The following COL23A1 variants were observed in gnomAD, a reference collection of about 807,000 sequenced individuals.
COL23A1 encodes collagen type XXIII alpha 1 chain.
In COL23A1, 97 loss-of-function variants were observed where a neutral mutation model predicts 99.3. The observed-to-expected ratio is 0.98, with a 90% CI of 0.83 to 1.16. The LOEUF is 1.16. Ranked by LOEUF, COL23A1 falls within the 50% of genes most tolerant of loss-of-function variation. The probability of loss-of-function intolerance (pLI) is 0.00; values close to 1 mark genes in which losing one functional copy is unlikely to be tolerated. For missense variants in COL23A1, 762 were observed against 757.4 expected, an observed-to-expected ratio of 1.01 and a Z score of -0.07; for synonymous variants, 320 against 308.2, an observed-to-expected ratio of 1.04 and a Z score of -0.40.
chr5:178,455,185 G>A (rs1467003042), intron 2 of COL23A1, among the ~76,000 whole-genome samples: 2 of 152,234 alleles, frequency 1.3e-5, no homozygotes, highest in Non-Finnish European at 2.9e-5. Context: ...AATCTTTCCG[G>A]GGGGGACACA....
In COL23A1 at chr5:178,313,001, G is replaced by A. The variant is rs755863048; in HGVS notation, c.362-6082C>T. On this transcript the variant is annotated intron_variant, in intron 2 of 28. Transcript: ENST00000390654. This position sits in a 1 kb window ranked among gnomAD's most constrained non-coding sequence, Gnocchi z 4.2. Reference sequence around the variant, plus strand: ...AGAACGTGCACTGATACAGCGGGACGTGAGTCAGCCCTGGAGAGGAAGGAG... The same window carrying A: ...AGAACGTGCACTGATACAGCGGGACATGAGTCAGCCCTGGAGAGGAAGGAG... Among the ~76,000 whole-genome samples, 5 of 152,220 alleles carry A rather than the reference G, an allele frequency of 3.3e-5. No individual in the cohort carries two copies. Among genetic ancestry groups the A allele is most frequent in the East Asian group, 1.9e-4 (1 of 5,188 alleles).
chr5:178,324,898 C>T (rs1244634312), intron 2 of COL23A1, among the ~76,000 whole-genome samples: 2 of 152,212 alleles, frequency 1.3e-5, no homozygotes, highest in Non-Finnish European at 1.5e-5. Context: ...CAGTTCCTGC[C>T]CACCCCTCCA....
chr5:178,391,360 G>A (rs1338082297), intron 2 of COL23A1, among the ~76,000 whole-genome samples: 1 of 152,180 alleles, frequency 6.6e-6, no homozygotes, highest in African/African-American at 2.4e-5. Flanking sequence ...TAAGGGACCT[G>A]TAACTATAAT....
intron 16 of COL23A1, 76 bp downstream of exon 16, chr5:178,254,873 T>G: frequency 7.6e-7 from 1 of 1,308,862 alleles, no homozygotes; most frequent in Non-Finnish European, 1.1e-6. Context: ...AGTGCAGGAT[T>G]AATCACAAAG....
At chr5:178,407,097 T>C (rs1408475121) in intron 2 of COL23A1, among the ~76,000 whole-genome samples, 1 of 152,204 alleles carries the variant, frequency 6.6e-6, no homozygotes, top group East Asian at 1.9e-4. Context: ...AATAAGTTGG[T>C]AACTCAGAAA....
rs772556038 is a variant in COL23A1 at position 178,239,213 on chromosome 5, G to C, written c.1582-34C>G. The stretch of plus-strand genomic sequence containing the variant: ...GAAGAAGGTTTCAGTGATGGGGATG[G>C]GGCCTGGGGAGCTCCTCTACACCCC... On this transcript the variant is annotated intron_variant, in intron 27 of 28. Coordinates refer to ENST00000390654, the MANE Select transcript of COL23A1 (RefSeq NM_173465.4). The C allele has an allele frequency of 6.2e-6, 10 of 1,613,142 alleles. No homozygotes were observed. In the East Asian group the frequency reaches 1.8e-4, roughly 29 times the overall value.
chr5:178,537,489 C>G (rs1761040776), intron 2 of COL23A1, among the ~76,000 whole-genome samples: 1 of 152,178 alleles, frequency 6.6e-6, no homozygotes, highest in Admixed American at 6.5e-5. Flanking sequence ...TCCACAGATG[C>G]CTGGGACTGA....
intron 2 of COL23A1, among the ~76,000 whole-genome samples, chr5:178,558,480 C>T (rs1256238113): frequency 2.0e-5 from 3 of 152,134 alleles, no homozygotes; most frequent in Admixed American, 2.0e-4. Context: ...ACCCATCTCA[C>T]ACCATCCAAG....
At chr5:178,324,625 G>A (rs559077381) in intron 2 of COL23A1, among the ~76,000 whole-genome samples, 8 of 152,304 alleles carry the variant, frequency 5.3e-5, no homozygotes, top group South Asian at 2.1e-4. Context: ...AAGGGAGGGC[G>A]AGTCACTGGC....
intron 5 of COL23A1, among the ~76,000 whole-genome samples, chr5:178,287,680 C>T (rs770470184): frequency 9.2e-5 from 14 of 152,316 alleles, no homozygotes; most frequent in Middle Eastern, 3.4e-3. Flanking sequence ...CCTCCCCTGA[C>T]GGCCCTGCCA....
At chr5:178,419,009 C>A (rs1172785364) in intron 2 of COL23A1, among the ~76,000 whole-genome samples, 3 of 152,184 alleles carry the variant, frequency 2.0e-5, no homozygotes, top group African/African-American at 7.2e-5. Context: ...TGAAGTCTGA[C>A]CTATGGCAGA....
chr5:178,385,036 C>A (rs181333260), intron 2 of COL23A1, among the ~76,000 whole-genome samples: 1 of 152,160 alleles, frequency 6.6e-6, no homozygotes, highest in Non-Finnish European at 1.5e-5. Flanking sequence ...CAGGTCCTGA[C>A]GGGGTAGTCT....
chr5:178,285,739 C>T (rs1036384732), intron 5 of COL23A1, among the ~76,000 whole-genome samples: 1 of 152,246 alleles, frequency 6.6e-6, no homozygotes, highest in East Asian at 1.9e-4. Context: ...TCCGAGGTGG[C>T]CCAGGCCCTT....
intron 1 of COL23A1, among the ~76,000 whole-genome samples, chr5:178,572,252 A>C (rs1283730007): frequency 6.6e-6 from 1 of 152,122 alleles, no homozygotes; most frequent in African/African-American, 2.4e-5. Context: ...TAAAAGGAAA[A>C]GACAAAGAAG....
At chr5:178,380,253 G>T (rs1011389023) in intron 2 of COL23A1, among the ~76,000 whole-genome samples, 1 of 152,084 alleles carries the variant, frequency 6.6e-6, no homozygotes, top group Non-Finnish European at 1.5e-5. Flanking sequence ...AGAACCTGCT[G>T]GGGGGGACTG....
intron 1 of COL23A1, among the ~76,000 whole-genome samples, chr5:178,584,691 C>A (rs1309855439): frequency 6.6e-6 from 1 of 152,154 alleles, no homozygotes; most frequent in Non-Finnish European, 1.5e-5. Context: ...TTGGAGGCCA[C>A]AGTCAGATAT....
chr5:178,302,374 TCCA>T (rs1758115527), intron 3 of COL23A1, among the ~76,000 whole-genome samples: 1 of 148,574 alleles, frequency 6.7e-6, no homozygotes. Context: ...ACGGCTTCAA[TCCA>T]CCTGTGTGTG....
chr5:178,246,016 G>C (rs1764673812), intron 24 of COL23A1, 48 bp from the exon 25 acceptor site: 2 of 1,607,428 alleles, frequency 1.2e-6, no homozygotes, highest in East Asian at 4.5e-5. Context: ...AGGGGTGCTG[G>C]GAGCACAGCT....
intron 2 of COL23A1, chr5:178,352,355 A>T (rs574443845): frequency 1.7e-4 from 26 of 152,374 alleles, no homozygotes; most frequent in Admixed American, 1.3e-4. Flanking sequence ...AAATGCTATT[A>T]AAGAAATTTA....
Sources: gnomAD v4.1 joint callset for allele counts (sites outside exome capture counted in the v4.1 genomes callset) on GRCh38, gnomAD v4.1.1 for gene constraint, Gnocchi (gnomAD v3.1) non-coding constraint, MANE v1.5 for transcripts, NCBI Gene and HGNC (gene_info 2026-07-23, HGNC 2026-07-21) for gene names.